The following GRM7 variants were observed in gnomAD, a reference collection of about 807,000 sequenced individuals.
The protein encoded by GRM7 is metabotropic glutamate receptor 7.
A neutral mutation model predicts 84.5 loss-of-function variants in GRM7; 35 were observed. That is an observed-to-expected ratio of 0.41 (90% confidence interval 0.32 to 0.55). The LOEUF (loss-of-function observed/expected upper bound fraction) is 0.55. Among genes scored for constraint, GRM7 ranks in the 20% least tolerant of loss-of-function variants. The pLI is 0.19. For synonymous variants in GRM7, 487 were observed against 455.1 expected (o/e 1.07, Z -0.89); for missense variants, 1,003 against 1,194.6 (o/e 0.84, Z 2.36).
chr3:7,118,592 C>T (rs1056948901), intron 1 of GRM7, among the ~76,000 whole-genome samples: 1 of 146,434 alleles, frequency 6.8e-6, no homozygotes, highest in African/African-American at 2.5e-5. Flanking sequence ...ATTGGAGGCT[C>T]GATCTTTCCA....
At chr3:7,076,498 T>G (rs967767497) in intron 1 of GRM7, among the ~76,000 whole-genome samples, 7 of 152,170 alleles carry the variant, frequency 4.6e-5, no homozygotes, top group African/African-American at 1.7e-4. Context: ...AAGATGCACT[T>G]GCTTCCCCTT....
At chr3:6,891,638 C>T (rs1475722458) in intron 1 of GRM7, among the ~76,000 whole-genome samples, 1 of 152,088 alleles carries the variant, frequency 6.6e-6, no homozygotes, top group Middle Eastern at 3.2e-3. Context: ...GTGGGTAACC[C>T]GACCTTTCTC....
chr3:7,542,298 T>C (rs1001751032), intron 7 of GRM7, among the ~76,000 whole-genome samples: 10 of 152,176 alleles, frequency 6.6e-5, no homozygotes, highest in African/African-American at 2.2e-4. Context: ...GCTCCATCAT[T>C]GTCCTGATCT....
intron 4 of GRM7, among the ~76,000 whole-genome samples, chr3:7,315,111 C>T (rs1387663558): frequency 6.6e-6 from 1 of 151,982 alleles, no homozygotes; most frequent in Non-Finnish European, 1.5e-5. Flanking sequence ...AAAACAACAA[C>T]AAAAACAAAA....
intron 2 of GRM7, among the ~76,000 whole-genome samples, chr3:7,264,285 G>C (rs1698551186): frequency 6.6e-6 from 1 of 152,138 alleles, no homozygotes; most frequent in African/African-American, 2.4e-5. Context: ...GTGGAGCCAA[G>C]GGGATGTGCT....
intron 1 of GRM7, among the ~76,000 whole-genome samples, chr3:6,902,850 T>TACAC (rs34849112): frequency 0.034 from 4,547 of 134,486 alleles, 102 homozygotes; most frequent in African/African-American, 0.07. Context: ...AACAGACTCC[T>TACAC]ACACACACAC....
chr3:6,877,444 T>C (rs1695350469), intron 1 of GRM7, among the ~76,000 whole-genome samples: 1 of 152,210 alleles, frequency 6.6e-6, no homozygotes, highest in East Asian at 1.9e-4. Context: ...TATATAGATA[T>C]GTAGACACAT....
At chr3:7,500,515 C>A (rs937715974) in intron 7 of GRM7, among the ~76,000 whole-genome samples, 5 of 152,226 alleles carry the variant, frequency 3.3e-5, no homozygotes, top group African/African-American at 1.2e-4. Flanking sequence ...TGACCTTATC[C>A]AGTCATCTCC....
In GRM7 at chr3:7,561,353, T is replaced by A. The variant is rs77686336; in HGVS notation, c.1516-17069T>A. On this transcript the variant is annotated intron_variant, in intron 7 of 9. Coordinates refer to ENST00000357716, the MANE Select transcript of GRM7 (RefSeq NM_000844.4). ...TATACACAAATTTATACTGTGATGCTGAGATCCTATTGAGGGAAAGAAAAT... is the reference window on the plus strand; with the variant it reads ...TATACACAAATTTATACTGTGATGCAGAGATCCTATTGAGGGAAAGAAAAT... The A allele has an allele frequency of 7.8e-3, 2,607 of 332,356 alleles. 55 individuals carry two copies. The highest frequency in any genetic ancestry group is 0.052 in the African/African-American group (2,419 of 46,848). The allele number at this position is 332,356 out of a possible 1,614,324, so 20.6% of individuals were successfully genotyped here. A position where few individuals can be genotyped will look rare whatever the true frequency, so the allele number is the denominator to read the frequency against.
intron 4 of GRM7, among the ~76,000 whole-genome samples, chr3:7,357,683 C>G (rs763094356): frequency 6.6e-5 from 10 of 152,120 alleles, no homozygotes; most frequent in Non-Finnish European, 1.5e-4. Flanking sequence ...AGGGCATGCC[C>G]CTTGCAGCTC....
intron 2 of GRM7, among the ~76,000 whole-genome samples, chr3:7,197,613 T>A (rs1396256428): frequency 6.6e-6 from 1 of 152,156 alleles, no homozygotes; most frequent in Non-Finnish European, 1.5e-5. Flanking sequence ...GCTTACTTTT[T>A]TCTAGTCAGT....
chr3:7,299,300 G>T (rs1699917403), intron 3 of GRM7, among the ~76,000 whole-genome samples: 1 of 152,034 alleles, frequency 6.6e-6, no homozygotes, highest in African/African-American at 2.4e-5. Context: ...AAATCTGCTT[G>T]TAATCTTGAC....
intron 1 of GRM7, among the ~76,000 whole-genome samples, chr3:7,091,163 G>A (rs1698650143): frequency 1.3e-5 from 2 of 150,806 alleles, no homozygotes; most frequent in African/African-American, 2.4e-5. Context: ...TATTTTATAG[G>A]TTAATAGGTG....
rs71308543 is a variant in GRM7, at chr3:7,112,925, C to A, written c.520-33527C>A. 2.2e-3 allele frequency among the ~76,000 whole-genome samples: 340 copies of A among 152,272 alleles called. 3 individuals carry two copies. The highest frequency in any genetic ancestry group is 0.013 in the South Asian group (63 of 4,828). On this transcript the variant is annotated intron_variant, in intron 1 of 9. Transcript: ENST00000357716. ...CAGAAGCTCCTTCCCTTTCAGCAGC[C>A]TGTGACTCCATAGAGAAAGAAACAA...
At chr3:7,523,536 C>G (rs933297933) in intron 7 of GRM7, among the ~76,000 whole-genome samples, 3 of 152,048 alleles carry the variant, frequency 2.0e-5, no homozygotes, top group Non-Finnish European at 4.4e-5. Context: ...AAGGCCAGGG[C>G]TAATAGCACT....
chr3:7,086,428 T>TC (rs1698461428), intron 1 of GRM7, among the ~76,000 whole-genome samples: 2 of 152,158 alleles, frequency 1.3e-5, no homozygotes, highest in African/African-American at 4.8e-5. Flanking sequence ...CTTAGTTAAA[T>TC]TTGAGTATTC....
intron 4 of GRM7, among the ~76,000 whole-genome samples, chr3:7,356,751 GGGGTCTCA>G (rs1693422138): frequency 6.6e-6 from 1 of 152,006 alleles, no homozygotes; most frequent in Non-Finnish European, 1.5e-5. Context: ...AGCTTTTTGA[GGGGTCTCA>G]GGCCTTTGGC....
chr3:7,645,459 A>C (rs895888697), intron 8 of GRM7, among the ~76,000 whole-genome samples: 2 of 150,952 alleles, frequency 1.3e-5, no homozygotes, highest in African/African-American at 4.9e-5. Flanking sequence ...AGGCATGAGA[A>C]TCACTTGAAC....
chr3:7,084,281 C>G (rs368816917), intron 1 of GRM7, among the ~76,000 whole-genome samples: 2 of 152,038 alleles, frequency 1.3e-5, no homozygotes, highest in East Asian at 3.9e-4. Context: ...CCTGGGGCAG[C>G]TACAGCAACA....
Sources: gnomAD v4.1 joint callset for allele counts (sites outside exome capture counted in the v4.1 genomes callset) on GRCh38, gnomAD v4.1.1 for gene constraint, MANE v1.5 for transcripts, NCBI Gene and HGNC (gene_info 2026-07-23, HGNC 2026-07-21) for gene names.